Variants in IPMK observed in about 807,000 individuals in gnomAD.
IPMK encodes inositol polyphosphate multikinase.
A neutral mutation model predicts 45.8 loss-of-function variants in IPMK; 17 were observed. That is an observed-to-expected ratio of 0.37 (90% CI 0.25 to 0.56). The LOEUF (loss-of-function observed/expected upper bound fraction) is 0.56. IPMK is among the 20% of genes least tolerant of loss of function. IPMK has a pLI of 0.79. For synonymous variants in IPMK, 180 were observed against 184.3 expected (o/e 0.98, Z 0.19); for missense variants, 399 against 498.0 (o/e 0.80, Z 1.89).
chr10:58,200,416 G>A lies in IPMK; in HGVS notation c.547-1095C>T, dbSNP rs1212501805. Among the ~76,000 whole-genome samples, 4 of 151,962 alleles carry A rather than the reference G, an allele frequency of 2.6e-5. No individual in the cohort carries two copies. The East Asian group carries it at 5.8e-4, about 22-fold the overall frequency. ...TTACAGGTGTAAGCCACCACGCCCG[G>A]CCTCAATAATTTTTTTTAACCATAA... On this transcript the variant is annotated intron_variant, in intron 4 of 5. Coordinates refer to ENST00000373935, the MANE Select transcript of IPMK (RefSeq NM_152230.5).
intron 1 of IPMK, among the ~76,000 whole-genome samples, chr10:58,249,431 T>C (rs1157354766): frequency 1.3e-5 from 2 of 152,190 alleles, no homozygotes; most frequent in Non-Finnish European, 2.9e-5. Context: ...TAATATCTCA[T>C]TGTTTTTTAT....
chr10:58,215,364 A>C (rs1414901755), intron 4 of IPMK, among the ~76,000 whole-genome samples: 1 of 151,434 alleles, frequency 6.6e-6, no homozygotes, highest in Non-Finnish European at 1.5e-5. Flanking sequence ...TTTTAACCCC[A>C]AAAGTCTGAA....
At chr10:58,266,087 C>T (rs1228910188) in intron 1 of IPMK, among the ~76,000 whole-genome samples, 1 of 152,196 alleles carries the variant, frequency 6.6e-6, no homozygotes, top group Non-Finnish European at 1.5e-5. Flanking sequence ...GAGGAAATGT[C>T]TATGCTGAGC....
At chr10:58,224,754 C>G (rs1407880950) in intron 3 of IPMK, among the ~76,000 whole-genome samples, 1 of 152,042 alleles carries the variant, frequency 6.6e-6, no homozygotes, top group Admixed American at 6.6e-5. Context: ...GATACCCAAA[C>G]AACAAGAACA....
chr10:58,233,931 C>T (rs1348862808), intron 2 of IPMK, among the ~76,000 whole-genome samples: 1 of 152,106 alleles, frequency 6.6e-6, no homozygotes, highest in African/African-American at 2.4e-5. Flanking sequence ...ATCGTCTCAG[C>T]CCAAAATCTT....
rs1489235551 is a variant in IPMK, at chr10:58,266,931, C to T, written c.190+491G>A. On this transcript the variant is annotated intron_variant, in intron 1 of 5. Transcript: ENST00000373935. Reference sequence around the variant, plus strand: ...CGGACAAGCTTTCTTCCCTTCTCACCTCCCCCTAAAAAAGCCCAGTGTTTT... The same window carrying T: ...CGGACAAGCTTTCTTCCCTTCTCACTTCCCCCTAAAAAAGCCCAGTGTTTT... Among the ~76,000 whole-genome samples the T allele has an allele frequency of 1.2e-4, 19 of 152,128 alleles. 1 individual carries two copies. The highest frequency in any genetic ancestry group is 4.4e-5 in the Non-Finnish European group (3 of 68,022).
chr10:58,241,924 A>C (rs994747515), intron 1 of IPMK, among the ~76,000 whole-genome samples: 1 of 151,782 alleles, frequency 6.6e-6, no homozygotes. Context: ...CAATACTTAC[A>C]TTTATCTCAA....
intron 4 of IPMK, among the ~76,000 whole-genome samples, chr10:58,215,259 C>A (rs1419218160): frequency 3.3e-5 from 5 of 152,128 alleles, no homozygotes; most frequent in African/African-American, 1.2e-4. Flanking sequence ...CAGATGATTG[C>A]AGAAGGAACC....
chr10:58,205,646 T>C (rs1159223146), intron 4 of IPMK, among the ~76,000 whole-genome samples: 1 of 151,920 alleles, frequency 6.6e-6, no homozygotes, highest in Non-Finnish European at 1.5e-5. Context: ...GCATACAGAG[T>C]AATACAATTG....
intron 1 of IPMK, among the ~76,000 whole-genome samples, chr10:58,264,240 A>T (rs1462441644): frequency 2.0e-5 from 3 of 152,240 alleles, no homozygotes; most frequent in Non-Finnish European, 4.4e-5. Flanking sequence ...AATTATTTGC[A>T]TTGAGAGATA....
At chr10:58,200,123 T>G (rs907422028) in intron 4 of IPMK, among the ~76,000 whole-genome samples, 6 of 152,136 alleles carry the variant, frequency 3.9e-5, no homozygotes, top group Admixed American at 3.9e-4. Flanking sequence ...ACCAACTTTT[T>G]TTTGGTTGGG....
intron 4 of IPMK, among the ~76,000 whole-genome samples, chr10:58,201,076 A>C (rs1837989800): frequency 6.6e-6 from 1 of 152,234 alleles, no homozygotes; most frequent in African/African-American, 2.4e-5. Flanking sequence ...AAAAACAAGA[A>C]ACAAAGTGTT....
chr10:58,192,484 T>C lies in IPMK; in HGVS notation c.*3592A>G, dbSNP rs1324248307. On this transcript the variant is annotated 3_prime_UTR_variant, in exon 6 of 6. Coordinates refer to ENST00000373935, the MANE Select transcript of IPMK (RefSeq NM_152230.5). ...ATAGAGGTTACAATACTGTAAAATA[T>C]TACTTCTAACTTCAACTATTGTTAG... is the stretch of plus-strand genomic sequence containing the variant. 1 of 152,046 alleles carries C rather than the reference T, an allele frequency of 6.6e-6. No homozygotes were observed. The highest frequency in any genetic ancestry group is 1.5e-5 in the Non-Finnish European group (1 of 67,926). 9.4% of individuals were successfully genotyped at this position (152,046 alleles called of 1,614,324 possible). A position where few individuals can be genotyped will look rare whatever the true frequency, so the allele number is the denominator to read the frequency against.
intron 4 of IPMK, among the ~76,000 whole-genome samples, chr10:58,213,292 G>A (rs1406795596): frequency 6.6e-6 from 1 of 152,238 alleles, no homozygotes; most frequent in Non-Finnish European, 1.5e-5. Flanking sequence ...CATGAGTTAT[G>A]TGTGTAACTA....
rs1018697079 is a variant in IPMK at position 58,195,077 on chromosome 10, G to C, written c.*999C>G. ...AGTATTTTTGATAACAACCTAATTA[G>C]ATATTGTCTTTCATTGCTTACTATA... On this transcript the variant is annotated 3_prime_UTR_variant, in exon 6 of 6. Transcript: ENST00000373935. The C allele has an allele frequency of 3.3e-5, 5 of 151,974 alleles. No individual in the cohort carries two copies. Among genetic ancestry groups the C allele is most frequent in the Non-Finnish European group, 7.4e-5 (5 of 67,844 alleles). 9.4% of individuals were successfully genotyped at this position (151,974 alleles called of 1,614,324 possible).
chr10:58,264,922 T>G (rs1259575486), intron 1 of IPMK, among the ~76,000 whole-genome samples: 1 of 152,158 alleles, frequency 6.6e-6, no homozygotes, highest in Admixed American at 6.5e-5. Context: ...CCTGAAAGGA[T>G]AGACAGGAAG....
intron 1 of IPMK, among the ~76,000 whole-genome samples, chr10:58,242,878 C>G (rs1334612045): frequency 6.6e-6 from 1 of 152,002 alleles, no homozygotes; most frequent in Non-Finnish European, 1.5e-5. Flanking sequence ...CCTTGCTGTT[C>G]TCATGATGGT....
chr10:58,228,658 C>T (rs543891939), intron 2 of IPMK, among the ~76,000 whole-genome samples: 33 of 152,250 alleles, frequency 2.2e-4, no homozygotes, highest in Admixed American at 1.3e-3. Flanking sequence ...CTCAGCCTCC[C>T]GAGTAGCTGG....
At chr10:58,236,567 A>T (rs1246948637) in intron 2 of IPMK, among the ~76,000 whole-genome samples, 1 of 152,224 alleles carries the variant, frequency 6.6e-6, no homozygotes, top group Non-Finnish European at 1.5e-5. Context: ...CCAAAAAGGC[A>T]GCTGGAAACT....
Sources: gnomAD v4.1 joint callset for allele counts (sites outside exome capture counted in the v4.1 genomes callset) on GRCh38, gnomAD v4.1.1 for gene constraint, MANE v1.5 for transcripts, NCBI Gene and HGNC (gene_info 2026-07-23, HGNC 2026-07-21) for gene names.